Variants in ARHGAP24 observed in about 807,000 individuals in gnomAD.
ARHGAP24 encodes Rho GTPase activating protein 24.
In ARHGAP24, 50 loss-of-function variants were observed where a neutral mutation model predicts 76.4. That is an observed-to-expected ratio of 0.65 (90% CI 0.52 to 0.83). The LOEUF (loss-of-function observed/expected upper bound fraction) is 0.83, where lower values mean the gene tolerates loss of function less well. Ranked by LOEUF, ARHGAP24 falls within the 40% of genes least tolerant of loss-of-function variation. The pLI is 0.00. For synonymous variants in ARHGAP24, 345 were observed against 323.3 expected (o/e 1.07, Z -0.72); for missense variants, 930 against 914.2 (o/e 1.02, Z -0.22).
intron 1 of ARHGAP24, among the ~76,000 whole-genome samples, chr4:85,561,710 A>G (rs34683578): frequency 0.48 from 72,642 of 151,852 alleles, 18,749 homozygotes; most frequent in Non-Finnish European, 0.58. Context: ...GCTTTTTGGT[A>G]GTTTTATGCC....
At chr4:85,727,275 G>C (rs564164002) in intron 3 of ARHGAP24, among the ~76,000 whole-genome samples, 47 of 152,160 alleles carry the variant, frequency 3.1e-4, no homozygotes, top group Non-Finnish European at 5.9e-4. Flanking sequence ...AGCATGTGAA[G>C]TTATTTTTTG....
At chr4:85,514,817 TAAAAAAAAA>T (rs773699457) in intron 1 of ARHGAP24, among the ~76,000 whole-genome samples, 7 of 82,500 alleles carry the variant, frequency 8.5e-5, no homozygotes, top group Admixed American at 1.9e-4. Context: ...CTCTAAATTG[TAAAAAAAAA>T]AAAAAAAAAA....
intron 2 of ARHGAP24, among the ~76,000 whole-genome samples, chr4:85,658,944 T>G (rs960355279): frequency 6.6e-6 from 1 of 152,156 alleles, no homozygotes; most frequent in Non-Finnish European, 1.5e-5. Flanking sequence ...GCAGAGCTGA[T>G]AGGATTTGCT....
chr4:85,907,404 C>T (rs548745653), intron 3 of ARHGAP24, among the ~76,000 whole-genome samples: 24 of 152,230 alleles, frequency 1.6e-4, no homozygotes, highest in African/African-American at 4.6e-4. Flanking sequence ...CAGGAAAAGA[C>T]GTATTATCTT....
chr4:85,939,044 C>T (rs888140354), intron 4 of ARHGAP24, among the ~76,000 whole-genome samples: 5 of 152,292 alleles, frequency 3.3e-5, no homozygotes, highest in South Asian at 2.1e-4. Context: ...GCCTTAGCTC[C>T]ACCATTTACT....
intron 2 of ARHGAP24, among the ~76,000 whole-genome samples, chr4:85,641,668 G>T (rs1250162107): frequency 6.6e-6 from 1 of 152,164 alleles, no homozygotes; most frequent in Admixed American, 6.5e-5. Flanking sequence ...TCTCTCTTTG[G>T]ATTTGATTAA....
At chr4:85,505,994 C>G (rs948686522) in intron 1 of ARHGAP24, among the ~76,000 whole-genome samples, 1 of 152,108 alleles carries the variant, frequency 6.6e-6, no homozygotes, top group Non-Finnish European at 1.5e-5. Flanking sequence ...AGCTGCAGGT[C>G]TGTTGGACTT....
chr4:85,965,430 A>T (rs1738533158), intron 5 of ARHGAP24, among the ~76,000 whole-genome samples: 1 of 152,142 alleles, frequency 6.6e-6, no homozygotes, highest in African/African-American at 2.4e-5. Flanking sequence ...GAGCCAAATC[A>T]TATCAGGCAC....
chr4:85,973,837 T>TG, intron 6 of ARHGAP24, among the ~76,000 whole-genome samples: 3 of 79,578 alleles, frequency 3.8e-5, no homozygotes, highest in African/African-American at 1.0e-4. Flanking sequence ...CCTATTGTTT[T>TG]TTTTTTTTTT....
At chr4:85,734,903 A>G (rs1473579393) in intron 3 of ARHGAP24, among the ~76,000 whole-genome samples, 1 of 152,066 alleles carries the variant, frequency 6.6e-6, no homozygotes, top group Non-Finnish European at 1.5e-5. Context: ...ATTTTCGATC[A>G]TCCTGTCTCC....
intron 2 of ARHGAP24, among the ~76,000 whole-genome samples, chr4:85,718,324 CA>C (rs1415819056): frequency 6.6e-6 from 1 of 151,992 alleles, no homozygotes; most frequent in Non-Finnish European, 1.5e-5. Context: ...AGTTTTGAAG[CA>C]GATAATAAAT....
At chr4:85,734,416 C>A (rs1272012168) in intron 3 of ARHGAP24, among the ~76,000 whole-genome samples, 1 of 152,046 alleles carries the variant, frequency 6.6e-6, no homozygotes, top group Non-Finnish European at 1.5e-5. Context: ...ACAAACTTCT[C>A]TCTAAAAGTG....
At chr4:85,481,765 G>A (rs1024177642) in intron 1 of ARHGAP24, among the ~76,000 whole-genome samples, 8 of 152,196 alleles carry the variant, frequency 5.3e-5, no homozygotes, top group African/African-American at 1.7e-4. Flanking sequence ...CCCAGTTTAA[G>A]AATAGAGCCC....
intron 2 of ARHGAP24, among the ~76,000 whole-genome samples, chr4:85,586,351 A>G (rs1727860251): frequency 6.6e-6 from 1 of 152,192 alleles, no homozygotes. Flanking sequence ...GCTTTGGCCC[A>G]AAGCCTGCAT....
intron 2 of ARHGAP24, among the ~76,000 whole-genome samples, chr4:85,645,580 G>A (rs1462792062): frequency 6.6e-6 from 1 of 152,064 alleles, no homozygotes; most frequent in African/African-American, 2.4e-5. Flanking sequence ...AAAATGAGGT[G>A]CATATGCTGC....
chr4:85,711,010 T>A (rs1724507431), intron 2 of ARHGAP24, among the ~76,000 whole-genome samples: 1 of 151,966 alleles, frequency 6.6e-6, no homozygotes, highest in Admixed American at 6.6e-5. Flanking sequence ...TAAATACCCA[T>A]GTAGATTAAA....
intron 5 of ARHGAP24, among the ~76,000 whole-genome samples, chr4:85,956,718 C>T (rs1394063268): frequency 6.6e-6 from 1 of 152,154 alleles, no homozygotes; most frequent in African/African-American, 2.4e-5. Context: ...TTAGCCCGAT[C>T]GGGAGGGGCA....
chr4:85,865,145 C>CT, intron 3 of ARHGAP24, among the ~76,000 whole-genome samples: 1 of 152,040 alleles, frequency 6.6e-6, no homozygotes, highest in East Asian at 1.9e-4. Context: ...CTTCTGTTGT[C>CT]TTTTTTGTTG....
chr4:85,611,452 A>G (rs1720378378), intron 2 of ARHGAP24, among the ~76,000 whole-genome samples: 2 of 152,362 alleles, frequency 1.3e-5, no homozygotes, highest in Admixed American at 1.3e-4. Flanking sequence ...TTATCCACTT[A>G]AGAAAAATGA....
Sources: allele counts gnomAD v4.1 joint callset (sites outside exome capture counted in the v4.1 genomes callset), GRCh38; gene constraint gnomAD v4.1.1; transcripts MANE v1.5; gene names NCBI Gene and HGNC (gene_info 2026-07-23, HGNC 2026-07-21).